The following SH3GL3 variants were observed in gnomAD, a reference collection of about 807,000 sequenced individuals.
SH3GL3 encodes endophilin-A3.
A neutral mutation model predicts 47.7 loss-of-function variants in SH3GL3; 33 were observed. The ratio of observed to expected loss-of-function variants is 0.69; its 90% CI spans 0.52 to 0.92. SH3GL3 has a LOEUF of 0.92. Ranked by LOEUF, SH3GL3 falls within the 40% of genes least tolerant of loss-of-function variation. The pLI, the probability that SH3GL3 is intolerant of heterozygous loss-of-function variation, is 0.00. For synonymous variants in SH3GL3, 155 were observed against 148.8 expected (o/e 1.04, Z -0.30); for missense variants, 363 against 417.8 (o/e 0.87, Z 1.14).
At chr15:83,520,241 A>G (rs913710193) in intron 1 of SH3GL3, among the ~76,000 whole-genome samples, 3 of 152,232 alleles carry the variant, frequency 2.0e-5, no homozygotes, top group Admixed American at 1.3e-4. Context: ...TATACTGGAC[A>G]GTAAACAAGT....
intron 1 of SH3GL3, among the ~76,000 whole-genome samples, chr15:83,543,876 C>A (rs188262958): frequency 6.6e-5 from 10 of 151,978 alleles, no homozygotes; most frequent in Non-Finnish European, 1.2e-4. Flanking sequence ...CCTTCTTCAT[C>A]CCTGATTTTA....
chr15:83,513,315 A>G (rs1306940708), intron 1 of SH3GL3, among the ~76,000 whole-genome samples: 1 of 152,178 alleles, frequency 6.6e-6, no homozygotes, highest in Non-Finnish European at 1.5e-5. Context: ...AACTGTAGCT[A>G]CAGAATAAAG....
At chr15:83,469,751 G>A (rs1052267443) in intron 1 of SH3GL3, among the ~76,000 whole-genome samples, 1 of 152,158 alleles carries the variant, frequency 6.6e-6, no homozygotes, top group Non-Finnish European at 1.5e-5. Context: ...CTTGGTATAT[G>A]TTCTGTGGGT....
At chr15:83,597,429 A>G (rs867886161) in intron 8 of SH3GL3, among the ~76,000 whole-genome samples, 1 of 152,164 alleles carries the variant, frequency 6.6e-6, no homozygotes, top group East Asian at 1.9e-4. Context: ...TAACATAGCT[A>G]TAGGTTCTGG....
intron 1 of SH3GL3, among the ~76,000 whole-genome samples, chr15:83,532,468 G>A (rs917064624): frequency 2.6e-5 from 4 of 152,172 alleles, no homozygotes; most frequent in Admixed American, 6.5e-5. Context: ...CAGAGGCCAA[G>A]GGAAGGGGTG....
At chr15:83,577,576 A>G (rs2059717456) in intron 6 of SH3GL3, among the ~76,000 whole-genome samples, 1 of 152,038 alleles carries the variant, frequency 6.6e-6, no homozygotes, top group Non-Finnish European at 1.5e-5. Context: ...TTTTTTGTCA[A>G]GATGGGAGTT....
In SH3GL3 at chr15:83,588,704, A is replaced by T. The variant is rs1163452679; in HGVS notation, c.771A>T (p.Pro257=). The part of the protein sequence containing the change: ...ASSVPRREYK[P]RPVKRSSSEL... ...GTGTCCCCAGACGAGAATACAAGCCAAGGCCTGTGAAAAGGAGTTCTAGTG... is the reference window on the plus strand; with the variant it reads ...GTGTCCCCAGACGAGAATACAAGCCTAGGCCTGTGAAAAGGAGTTCTAGTG... The change falls in exon 8 of 9, where the codon CCA becomes CCT. Residue 257 remains proline (P), a synonymous_variant. Coordinates refer to ENST00000427482, the MANE Select transcript of SH3GL3 (RefSeq NM_003027.5). 6.2e-7 allele frequency: 1 copy of T among 1,612,304 alleles called. No homozygotes were observed. The highest frequency in any genetic ancestry group is 1.1e-5 in the South Asian group (1 of 91,040).
At chr15:83,450,261 G>T (rs1228150062) in intron 1 of SH3GL3, among the ~76,000 whole-genome samples, 2 of 152,130 alleles carry the variant, frequency 1.3e-5, no homozygotes, top group African/African-American at 4.8e-5. Context: ...GAATTGTATG[G>T]TATGTGAAAT....
the SH3GL3 span, among the ~76,000 whole-genome samples, chr15:83,625,132 G>A: frequency 0.14 from 22,023 of 152,066 alleles, 2,312 homozygotes; most frequent in African/African-American, 0.29. Context: ...GGTGGCACAC[G>A]CCTGTACTCC....
At chr15:83,626,490 A>G in the SH3GL3 span, among the ~76,000 whole-genome samples, 1 of 152,198 alleles carries the variant, frequency 6.6e-6, no homozygotes, top group Admixed American at 6.5e-5. Context: ...GCTTCAGAAT[A>G]CAGAAGCCCC....
In SH3GL3 at chr15:83,499,305, A is replaced by G. The variant is rs184114186; in HGVS notation, c.45+51727A>G. Reference sequence around the variant, plus strand: ...CTGATTCTACATTAAACTTTAAAAAATAACTTACAAATTTTATAAATTCAT... The same window carrying G: ...CTGATTCTACATTAAACTTTAAAAAGTAACTTACAAATTTTATAAATTCAT... On this transcript the variant is annotated intron_variant, in intron 1 of 8. Coordinates refer to ENST00000427482, the MANE Select transcript of SH3GL3 (RefSeq NM_003027.5). Among the ~76,000 whole-genome samples the G allele has an allele frequency of 1.2e-4, 18 of 151,970 alleles. 1 individual carries two copies. Among genetic ancestry groups the G allele is most frequent in the South Asian group, 8.3e-4 (4 of 4,822 alleles).
intron 1 of SH3GL3, among the ~76,000 whole-genome samples, chr15:83,508,551 C>T (rs143136785): frequency 1.5e-3 from 230 of 151,536 alleles, no homozygotes; most frequent in Middle Eastern, 3.4e-3. Flanking sequence ...TTGCAGAGTT[C>T]TGGAATATTG....
intron 6 of SH3GL3, among the ~76,000 whole-genome samples, chr15:83,578,249 C>G (rs948360712): frequency 6.6e-6 from 1 of 152,202 alleles, no homozygotes; most frequent in Non-Finnish European, 1.5e-5. Context: ...CTTTGACTGC[C>G]TGAGTGGAAG....
At chr15:83,527,303 T>C (rs1170548695) in intron 1 of SH3GL3, among the ~76,000 whole-genome samples, 1 of 152,208 alleles carries the variant, frequency 6.6e-6, no homozygotes, top group Non-Finnish European at 1.5e-5. Flanking sequence ...TGTCTAATGT[T>C]GATAGTGGGA....
intron 1 of SH3GL3, among the ~76,000 whole-genome samples, chr15:83,537,828 A>C (rs2043981632): frequency 6.6e-6 from 1 of 152,024 alleles, no homozygotes; most frequent in African/African-American, 2.4e-5. Flanking sequence ...ATGATCTGTC[A>C]CTGGCACCCT....
Position 83,550,924 on chromosome 15 carries a change from T to G in SH3GL3, c.46-8329T>G, listed in dbSNP as rs542589245. ...AAAATCCTAAGTTACAAATTTTGCTTTTTTACATTTTCTCTTAGGTTCCGG... is the reference window on the plus strand; with the variant it reads ...AAAATCCTAAGTTACAAATTTTGCTGTTTTACATTTTCTCTTAGGTTCCGG... On this transcript the variant is annotated intron_variant, in intron 1 of 8. Transcript: ENST00000427482. 7.2e-5 allele frequency among the ~76,000 whole-genome samples: 11 copies of G among 152,330 alleles called. No homozygotes were observed. In the South Asian group the frequency reaches 1.7e-3, roughly 23 times the overall value.
chr15:83,487,452 T>C (rs959626695), intron 1 of SH3GL3, among the ~76,000 whole-genome samples: 1 of 152,176 alleles, frequency 6.6e-6, no homozygotes, highest in African/African-American at 2.4e-5. Context: ...GTTTGGTATG[T>C]GGACTATTTT....
At chr15:83,540,371 G>A (rs2044099864) in intron 1 of SH3GL3, among the ~76,000 whole-genome samples, 1 of 152,092 alleles carries the variant, frequency 6.6e-6, no homozygotes, top group Admixed American at 6.6e-5. Flanking sequence ...GCTGAAAGGT[G>A]TATTAAAATA....
intron 8 of SH3GL3, among the ~76,000 whole-genome samples, chr15:83,594,841 C>CA (rs890681092): frequency 3.9e-5 from 6 of 152,030 alleles, no homozygotes; most frequent in Non-Finnish European, 5.9e-5. Flanking sequence ...ATTAAAAAGT[C>CA]AAAAAATCAT....
Sources: gnomAD v4.1 joint callset for allele counts (sites outside exome capture counted in the v4.1 genomes callset) on GRCh38, gnomAD v4.1.1 for gene constraint, MANE v1.5 for transcripts, NCBI Gene and HGNC (gene_info 2026-07-23, HGNC 2026-07-21) for gene names.